Variants in PDXP observed in about 807,000 individuals in gnomAD.
PDXP encodes the protein chronophin.
Under a neutral mutation model 14.4 loss-of-function variants are expected in PDXP, and 15 were observed. The observed-to-expected ratio is 1.04, with a 90% CI of 0.70 to 1.60. The LOEUF is 1.60. Among genes scored for constraint, PDXP ranks in the 40% most tolerant of loss-of-function variants. PDXP has a pLI of 0.00. For missense variants in PDXP, 413 were observed against 427.6 expected, an observed-to-expected ratio of 0.97 and a Z score of 0.30; for synonymous variants, 233 against 205.6, an observed-to-expected ratio of 1.13 and a Z score of -1.14.
intron 1 of PDXP, 51 bp downstream of exon 1, chr22:37,659,407 G>C: frequency 8.1e-7 from 1 of 1,229,314 alleles, no homozygotes; most frequent in East Asian, 2.9e-5. Flanking sequence ...CTGCGCATTC[G>C]CCTCCACGCC....
chr22:37,663,958 A>G (rs1242156856), intron 1 of PDXP, among the ~76,000 whole-genome samples: 1 of 117,544 alleles, frequency 8.5e-6, no homozygotes, highest in Non-Finnish European at 1.6e-5. Context: ...GCCAGAGCCT[A>G]GCTCTGGCGC....
intron 1 of PDXP, among the ~76,000 whole-genome samples, chr22:37,662,775 G>C (rs184500676): frequency 3.4e-4 from 52 of 151,720 alleles, no homozygotes; most frequent in Non-Finnish European, 5.3e-4. Context: ...ATCACTTGAG[G>C]TCAGGAGTTC....
chr22:37,665,422 CGGAAGT>C, intron 1 of PDXP, 127 bp from the exon 2 acceptor site: 1 of 681,944 alleles, frequency 1.5e-6, no homozygotes, highest in Non-Finnish European at 2.5e-6. Flanking sequence ...CAGTGAGACT[CGGAAGT>C]GGGCTTTCTG....
chr22:37,661,839 C>T (rs1414550763), intron 1 of PDXP, among the ~76,000 whole-genome samples: 1 of 150,676 alleles, frequency 6.6e-6, no homozygotes, highest in African/African-American at 2.4e-5. Context: ...TGGGATGACT[C>T]AGTGGAAGCC....
In PDXP at chr22:37,658,978, C is replaced by A; in HGVS notation, c.196C>A (p.Pro66Thr). ...FVSNNSRRAR[P>T]ELALRFARLG... ...GAGCAACAACAGCCGGCGCGCGCGGCCCGAGCTGGCCCTGCGCTTCGCGCG... is the reference window on the plus strand; with the variant it reads ...GAGCAACAACAGCCGGCGCGCGCGGACCGAGCTGGCCCTGCGCTTCGCGCG... The change falls in exon 1 of 2, where the codon CCC becomes ACC. Residue 66 changes from proline to threonine, a missense_variant. Coordinates refer to ENST00000215904, the MANE Select transcript of PDXP (RefSeq NM_020315.5). The A allele has an allele frequency of 8.3e-7, 1 of 1,200,652 alleles. No homozygotes were observed. The highest frequency in any genetic ancestry group is 1.0e-6 in the Non-Finnish European group (1 of 965,652). 74.4% of individuals were successfully genotyped at this position (1,200,652 alleles called of 1,614,324 possible).
chr22:37,662,006 A>T (rs1183478985), intron 1 of PDXP, among the ~76,000 whole-genome samples: 1 of 124,396 alleles, frequency 8.0e-6, no homozygotes, highest in African/African-American at 3.2e-5. Context: ...CAGTGGCCTG[A>T]TGTTGGCTCA....
chr22:37,659,155 G>A lies in PDXP; in HGVS notation c.373G>A (p.Ala125Thr). The A allele has an allele frequency of 9.4e-7, 1 of 1,058,952 alleles. No homozygotes were observed. The highest frequency in any genetic ancestry group is 1.1e-6 in the Non-Finnish European group (1 of 878,632). 65.6% of individuals were successfully genotyped at this position (1,058,952 alleles called of 1,614,324 possible). ...GEGLRAELRA[A>T]GLRLAGDPSA... is the part of the protein sequence containing the mutation. ...GGGGCTGCGCGCCGAGCTGCGCGCC[G>A]CGGGGCTGCGCCTGGCCGGGGACCC... Residue 125 changes from alanine (A) to threonine (T), a missense_variant, in exon 1 of 2, where the codon GCG becomes ACG. Transcript: ENST00000215904.
intron 1 of PDXP, among the ~76,000 whole-genome samples, chr22:37,660,544 C>T (rs886224690): frequency 6.6e-5 from 10 of 152,210 alleles, no homozygotes; most frequent in African/African-American, 2.4e-4. Flanking sequence ...AAAGGAGGCT[C>T]CTCCATTGTG....
chr22:37,661,946 T>G (rs1933216382), intron 1 of PDXP, among the ~76,000 whole-genome samples: 1 of 60,830 alleles, frequency 1.6e-5, no homozygotes, highest in Non-Finnish European at 3.4e-5. Flanking sequence ...TTTTTTTTTT[T>G]TTTTTTTTTT....
rs535458618 is a variant in PDXP, at chr22:37,666,481, A to G, written c.*610A>G. The stretch of plus-strand genomic sequence containing the variant: ...ATGTCCTAGGTCCCTGGGTGGACCC[A>G]TCAGGACCCCAAGTGATAGTGACCC... On this transcript the variant is annotated 3_prime_UTR_variant, in exon 2 of 2. Transcript: ENST00000215904. 2 of 172,066 alleles carry G rather than the reference A, an allele frequency of 1.2e-5. No homozygotes were observed. Among genetic ancestry groups the G allele is most frequent in the South Asian group, 1.9e-4 (1 of 5,356 alleles). The allele number at this position is 172,066 out of a possible 1,614,324, so 10.7% of individuals were successfully genotyped here. A position where few individuals can be genotyped will look rare whatever the true frequency, so the allele number is the denominator to read the frequency against.
rs1197917930 is a variant in PDXP at position 37,659,199 on chromosome 22, G to A, written c.417G>A (p.Ala139=). The A allele has an allele frequency of 9.7e-6, 12 of 1,241,962 alleles. No individual in the cohort carries two copies. The East Asian group carries it at 3.4e-4, about 35-fold the overall frequency. The allele number at this position is 1,241,962 out of a possible 1,614,324, so 76.9% of individuals were successfully genotyped here. Residue 139 remains alanine (A), a synonymous_variant, in exon 1 of 2, where the codon GCG becomes GCA. Transcript: ENST00000215904. ...GGGACCCGAGCGCGGGGGACGGCGC[G>A]GCCCCGCGCGTGCGCGCCGTGCTTG... ...LAGDPSAGDG[A]APRVRAVLVG... is the part of the protein sequence containing the mutation.
intron 1 of PDXP, among the ~76,000 whole-genome samples, chr22:37,662,205 A>G (rs1294763268): frequency 6.6e-6 from 1 of 152,070 alleles, no homozygotes; most frequent in Non-Finnish European, 1.5e-5. Flanking sequence ...GCCTGAAAGC[A>G]TGAGTTCTGG....
chr22:37,665,490 C>A (rs1375942820), intron 1 of PDXP, 65 bp from the exon 2 acceptor site: 17 of 1,331,682 alleles, frequency 1.3e-5, no homozygotes, highest in Non-Finnish European at 1.2e-5. Context: ...CCCTGGACTT[C>A]CAGTTTCAGG....
In PDXP at chr22:37,658,986, G is replaced by A. The variant is rs1933140826; in HGVS notation, c.204G>A (p.Leu68=). ...SNNSRRARPE[L]ALRFARLGFG... The stretch of plus-strand genomic sequence containing the variant: ...ACAGCCGGCGCGCGCGGCCCGAGCT[G>A]GCCCTGCGCTTCGCGCGCCTCGGCT... Residue 68 remains leucine (L), a synonymous_variant, in exon 1 of 2, where the codon CTG becomes CTA. Coordinates refer to ENST00000215904, the MANE Select transcript of PDXP (RefSeq NM_020315.5). 8.3e-7 allele frequency: 1 copy of A among 1,204,964 alleles called. No individual in the cohort carries two copies. The highest frequency in any genetic ancestry group is 1.0e-6 in the Non-Finnish European group (1 of 967,338). 74.6% of individuals were successfully genotyped at this position (1,204,964 alleles called of 1,614,324 possible). A position where few individuals can be genotyped will look rare whatever the true frequency, so the allele number is the denominator to read the frequency against.
chr22:37,660,148 A>C (rs1401541773), intron 1 of PDXP, among the ~76,000 whole-genome samples: 1 of 152,144 alleles, frequency 6.6e-6, no homozygotes, highest in Non-Finnish European at 1.5e-5. Context: ...TGCATCTGTG[A>C]AAAGCCACTG....
At chr22:37,664,283 G>A (rs1300195355) in intron 1 of PDXP, among the ~76,000 whole-genome samples, 1 of 142,848 alleles carries the variant, frequency 7.0e-6, no homozygotes, top group Non-Finnish European at 1.5e-5. Context: ...TTTAAGTAGA[G>A]ATGGGATCTC....
At position 37,658,799 on chromosome 22, in the gene PDXP, G is replaced by C. The variant is rs1339896532; in HGVS notation, c.17G>C (p.Arg6Thr). 24 of 1,177,410 alleles carry C rather than the reference G, an allele frequency of 2.0e-5. No individual in the cohort carries two copies. Among genetic ancestry groups the C allele is most frequent in the Non-Finnish European group, 2.4e-5 (23 of 952,940 alleles). 72.9% of individuals were successfully genotyped at this position (1,177,410 alleles called of 1,614,324 possible). ...GCCGGCTGCATGGCGCGCTGCGAGA[G>C]GCTGCGCGGAGCGGCCCTGCGCGAC... Reference protein sequence around the residue: MARCERLRGAALRDVL... With the variant: MARCETLRGAALRDVL... The change falls in exon 1 of 2, where the codon AGG becomes ACG. Residue 6 changes from arginine (R) to threonine (T), a missense_variant. Arg to Thr is a moderately conservative substitution (Grantham distance 71). Transcript: ENST00000215904.
At position 37,658,936 on chromosome 22, in the gene PDXP, A is replaced by T; in HGVS notation, c.154A>T (p.Lys52Ter). ...ELLERLARAG[K>*]AALFVSNNSR... ...GCTGGAGCGGCTGGCGCGGGCCGGC[A>T]AGGCGGCTCTGTTTGTGAGCAACAA... Residue 52 changes from lysine to a stop codon, truncating the protein, a stop_gained, in exon 1 of 2, where the codon AAG (lysine) becomes TAG (stop). Transcript: ENST00000215904. LOFTEE classifies it high-confidence loss of function. 1 of 1,214,268 alleles carries T rather than the reference A, an allele frequency of 8.2e-7. No individual in the cohort carries two copies. Among genetic ancestry groups the T allele is most frequent in the East Asian group, 3.5e-5 (1 of 28,700 alleles). 75.2% of individuals were successfully genotyped at this position (1,214,268 alleles called of 1,614,324 possible). A position where few individuals can be genotyped will look rare whatever the true frequency, so the allele number is the denominator to read the frequency against.
At chr22:37,663,971 A>G (rs1041292825) in intron 1 of PDXP, among the ~76,000 whole-genome samples, 4 of 121,942 alleles carry the variant, frequency 3.3e-5, no homozygotes, top group Admixed American at 1.0e-4. Flanking sequence ...TCTGGCGCCC[A>G]GACTGGAATG....
Sources: allele counts gnomAD v4.1 joint callset (sites outside exome capture counted in the v4.1 genomes callset), GRCh38; gene constraint gnomAD v4.1.1; transcripts MANE v1.5; gene names NCBI Gene and HGNC (gene_info 2026-07-23, HGNC 2026-07-21).